Variants in NCKAP5 observed in about 807,000 individuals in gnomAD.
The protein encoded by NCKAP5 is nck-associated protein 5.
A neutral mutation model predicts 167.0 loss-of-function variants in NCKAP5; 92 were observed. The ratio of observed to expected loss-of-function variants is 0.55; its 90% CI spans 0.47 to 0.66. NCKAP5 has a LOEUF of 0.66. Ranked by LOEUF, NCKAP5 falls within the 30% of genes least tolerant of loss-of-function variation. NCKAP5 has a pLI of 0.00. For missense variants in NCKAP5, 2,378 were observed against 2,315.0 expected (o/e 1.03, Z -0.56); for synonymous variants, 891 against 877.4 (o/e 1.02, Z -0.27).
chr2:132,861,662 A>C (rs1220429654), intron 10 of NCKAP5, among the ~76,000 whole-genome samples: 3 of 151,830 alleles, frequency 2.0e-5, no homozygotes, highest in African/African-American at 7.3e-5. Context: ...TGGCTCTTTG[A>C]TTGAAGTACA....
At chr2:132,728,019 G>T (rs1316293851) in intron 18 of NCKAP5, among the ~76,000 whole-genome samples, 1 of 152,194 alleles carries the variant, frequency 6.6e-6, no homozygotes, top group African/African-American at 2.4e-5. Context: ...AAAGCCAAGG[G>T]CAGCAAAAGT....
intron 19 of NCKAP5, among the ~76,000 whole-genome samples, chr2:132,673,782 T>C (rs976702920): frequency 1.3e-5 from 2 of 152,212 alleles, no homozygotes; most frequent in African/African-American, 2.4e-5. Flanking sequence ...GTTAGAAGCA[T>C]TGCCATTTTA....
At chr2:132,828,704 T>C (rs146457953) in intron 11 of NCKAP5, among the ~76,000 whole-genome samples, 134 of 152,312 alleles carry the variant, frequency 8.8e-4, no homozygotes, top group Admixed American at 1.9e-3. Context: ...AAATAGTCTT[T>C]ATTATCATGG....
At chr2:133,214,014 G>A (rs1486892571) in intron 4 of NCKAP5, among the ~76,000 whole-genome samples, 1 of 152,174 alleles carries the variant, frequency 6.6e-6, no homozygotes, top group Non-Finnish European at 1.5e-5. Context: ...GTTAAATGGT[G>A]AGTAGATGCT....
intron 6 of NCKAP5, chr2:133,123,541 G>A (rs2082313113): frequency 3.9e-6 from 1 of 256,490 alleles, no homozygotes; most frequent in Non-Finnish European, 8.1e-6. Flanking sequence ...CAGCAGATGA[G>A]AGGCCCCAAT....
At chr2:132,725,328 A>T (rs1690341273) in intron 19 of NCKAP5, among the ~76,000 whole-genome samples, 1 of 152,216 alleles carries the variant, frequency 6.6e-6, no homozygotes, top group African/African-American at 2.4e-5. Flanking sequence ...AATTAAGAAC[A>T]GTTATCTTTA....
At chr2:132,740,504 T>A (rs1448017107) in intron 16 of NCKAP5, among the ~76,000 whole-genome samples, 1 of 152,166 alleles carries the variant, frequency 6.6e-6, no homozygotes, top group Non-Finnish European at 1.5e-5. Context: ...ATGTTAGTGA[T>A]CCATTCTAAG....
chr2:133,626,432 A>T, the NCKAP5 span, among the ~76,000 whole-genome samples: 1 of 144,720 alleles, frequency 6.9e-6, no homozygotes, highest in Non-Finnish European at 1.5e-5. Context: ...AGGATAGACA[A>T]ACAGGTTTTT....
At position 132,783,639 on chromosome 2, in the gene NCKAP5, G is replaced by C; in HGVS notation, c.3172C>G (p.Gln1058Glu). Residue 1058 changes from glutamine to glutamate, a missense_variant, in exon 14 of 20, where the codon CAA (glutamine) becomes GAA (glutamate). Transcript: ENST00000409261. ...GGAGTCTGTAATCCTATGTCCCTTTGTGGGGTCCCAAGTGTTTGGCGAGGA... is the reference window on the plus strand; with the variant it reads ...GGAGTCTGTAATCCTATGTCCCTTTCTGGGGTCCCAAGTGTTTGGCGAGGA... ...TSPRQTLGTPQRDIGLQTPRI... is the reference protein window; with the variant it reads ...TSPRQTLGTPERDIGLQTPRI... 4 of 1,613,916 alleles carry C rather than the reference G, an allele frequency of 2.5e-6. No homozygotes were observed. Among genetic ancestry groups the C allele is most frequent in the Non-Finnish European group, 3.4e-6 (4 of 1,179,884 alleles).
intron 11 of NCKAP5, among the ~76,000 whole-genome samples, chr2:132,856,256 G>A (rs1689457321): frequency 6.6e-6 from 1 of 152,070 alleles, no homozygotes; most frequent in Admixed American, 6.6e-5. Flanking sequence ...CTTGGCTTGT[G>A]GACAGGTGGA....
rs115863420 is a variant in NCKAP5 at position 133,112,125 on chromosome 2, G to C, written c.341+17853C>G. ...ACAATTGGAAAAATACACATCAGAA[G>C]TTCTTACTGGTCTTATGACCTTAGC... On this transcript the variant is annotated intron_variant, in intron 6 of 19. Coordinates refer to ENST00000409261, the MANE Select transcript of NCKAP5 (RefSeq NM_207363.3). Among the ~76,000 whole-genome samples, 885 of 152,228 alleles carry C rather than the reference G, an allele frequency of 5.8e-3. 2 individuals are homozygous for C. The highest frequency in any genetic ancestry group is 0.02 in the African/African-American group (836 of 41,542).
intron 3 of NCKAP5, among the ~76,000 whole-genome samples, chr2:133,348,693 C>A (rs77962354): frequency 4.6e-5 from 7 of 152,114 alleles, no homozygotes; most frequent in Admixed American, 3.9e-4. Context: ...TTGACTCCCC[C>A]CTTCTCCATG....
intron 6 of NCKAP5, among the ~76,000 whole-genome samples, chr2:133,110,717 T>A (rs992537132): frequency 6.6e-6 from 1 of 152,158 alleles, no homozygotes; most frequent in South Asian, 2.1e-4. Flanking sequence ...GTGCCACATA[T>A]AGAAATACAA....
At chr2:132,700,935 G>A (rs552998354) in intron 19 of NCKAP5, among the ~76,000 whole-genome samples, 7 of 149,442 alleles carry the variant, frequency 4.7e-5, no homozygotes, top group South Asian at 4.3e-4. Context: ...CTGGGCGGGG[G>A]GGGGGGCTTT....
At chr2:133,447,681 G>T (rs1358086296) in intron 3 of NCKAP5, among the ~76,000 whole-genome samples, 1 of 151,140 alleles carries the variant, frequency 6.6e-6, no homozygotes, top group Non-Finnish European at 1.5e-5. Context: ...GTAGAGATGG[G>T]GTCTCCTTAT....
the NCKAP5 span, among the ~76,000 whole-genome samples, chr2:133,579,625 T>C: frequency 6.6e-6 from 1 of 152,266 alleles, no homozygotes; most frequent in African/African-American, 2.4e-5. Flanking sequence ...GATGCAGGAA[T>C]GCAGACAGGT....
At chr2:133,607,975 C>T in the NCKAP5 span, among the ~76,000 whole-genome samples, 1 of 152,222 alleles carries the variant, frequency 6.6e-6, no homozygotes, top group Non-Finnish European at 1.5e-5. Context: ...GGTATTAACT[C>T]ACGTCCTGTT....
chr2:133,045,387 A>C (rs6742721), intron 6 of NCKAP5, among the ~76,000 whole-genome samples: 7,637 of 152,030 alleles, frequency 0.05, 614 homozygotes, highest in African/African-American at 0.17. Flanking sequence ...ATCTATCTAT[A>C]TATATATACA....
At chr2:133,242,258 TC>T (rs77343807) in intron 4 of NCKAP5, among the ~76,000 whole-genome samples, 72 of 144,338 alleles carry the variant, frequency 5.0e-4, no homozygotes, top group Middle Eastern at 3.5e-3. Flanking sequence ...TCTTTTCTTT[TC>T]TTTTTTTTTT....
Sources: allele counts gnomAD v4.1 joint callset (sites outside exome capture counted in the v4.1 genomes callset), GRCh38; gene constraint gnomAD v4.1.1; transcripts MANE v1.5; gene names NCBI Gene and HGNC (gene_info 2026-07-23, HGNC 2026-07-21).